KIF17: variants seen among roughly 807,000 people sequenced by gnomAD.
KIF17 encodes kinesin-like protein KIF17.
Under a neutral mutation model 96.8 loss-of-function variants are expected in KIF17, and 80 were observed. That is an observed-to-expected ratio of 0.83 (90% CI 0.69 to 1.00). The LOEUF (loss-of-function observed/expected upper bound fraction) is 1.00, where lower values mean the gene tolerates loss of function less well. Ranked by LOEUF, KIF17 falls within the 50% of genes least tolerant of loss-of-function variation. The pLI, the probability that KIF17 is intolerant of heterozygous loss-of-function variation, is 0.00. For missense variants in KIF17, 1,280 were observed against 1,372.9 expected, an observed-to-expected ratio of 0.93 and a Z score of 1.07; for synonymous variants, 567 against 587.5, an observed-to-expected ratio of 0.97 and a Z score of 0.51.
intron 6 of KIF17, among the ~76,000 whole-genome samples, chr1:20,696,435 G>A (rs1367866872): frequency 6.6e-6 from 1 of 152,174 alleles, no homozygotes; most frequent in Non-Finnish European, 1.5e-5. Flanking sequence ...GGGTTTCTTG[G>A]AATCCTGGTG....
In KIF17 at chr1:20,671,540, G is replaced by A. The variant is rs185796386; in HGVS notation, c.2722+398C>T. On this transcript the variant is annotated intron_variant, in intron 12 of 14. Transcript: ENST00000400463. ...TTTAGAGACAGGGTTTCACCATGTT[G>A]GCCAGGCTGGTCTCGAACTCCTGGA... Among the ~76,000 whole-genome samples the A allele has an allele frequency of 1.3e-4, 19 of 151,698 alleles. No homozygotes were observed. The East Asian group carries it at 3.7e-3, about 29-fold the overall frequency.
intron 1 of KIF17, among the ~76,000 whole-genome samples, chr1:20,717,103 C>T (rs1478995063): frequency 1.3e-5 from 2 of 152,114 alleles, no homozygotes; most frequent in Admixed American, 6.6e-5. Context: ...ACTTGGCGGG[C>T]GGATCACTTG....
At chr1:20,668,754 G>A (rs1222681843) in intron 13 of KIF17, among the ~76,000 whole-genome samples, 3 of 152,176 alleles carry the variant, frequency 2.0e-5, no homozygotes, top group South Asian at 2.1e-4. Flanking sequence ...GGCTATTTTT[G>A]TAAATAAAGT....
chr1:20,697,231 G>A (rs1428068815), intron 6 of KIF17, among the ~76,000 whole-genome samples: 10 of 152,224 alleles, frequency 6.6e-5, no homozygotes, highest in Non-Finnish European at 1.5e-4. Flanking sequence ...CAGGGGTCCA[G>A]CAGCGGATAC....
Position 20,683,618 on chromosome 1 carries a change from G to A in KIF17, c.2232-734C>T, listed in dbSNP as rs561874124. Among the ~76,000 whole-genome samples the A allele has an allele frequency of 3.9e-5, 6 of 152,046 alleles. No homozygotes were observed. The South Asian group carries it at 8.3e-4, about 21-fold the overall frequency. On this transcript the variant is annotated intron_variant, in intron 10 of 14. Transcript: ENST00000400463. Reference sequence around the variant, plus strand: ...TGCAGTGAGCCGAGATCGCACCACTGCACTCCAGCCTGAGCAACAGAGCAA... The same window carrying A: ...TGCAGTGAGCCGAGATCGCACCACTACACTCCAGCCTGAGCAACAGAGCAA...
intron 11 of KIF17, among the ~76,000 whole-genome samples, chr1:20,679,870 G>GC (rs2053800730): frequency 6.6e-6 from 1 of 152,214 alleles, no homozygotes; most frequent in African/African-American, 2.4e-5. Context: ...AGAGAAGCCA[G>GC]CCCCACTGTA....
rs1040188125 is a variant in KIF17 at position 20,709,808 on chromosome 1, CT to C, written c.500del (p.Lys167ArgfsTer5). The C allele has an allele frequency of 5.6e-6, 9 of 1,612,136 alleles. No homozygotes were observed. Among genetic ancestry groups the C allele is most frequent in the Non-Finnish European group, 7.6e-6 (9 of 1,179,206 alleles). ...TGGACAGCCCCTTCACGTACACGCCCTTCTCTGGGTGCTCCTTCAGCTGAGG... is the reference window on the plus strand; with the variant it reads ...TGGACAGCCCCTTCACGTACACGCCCTCTCTGGGTGCTCCTTCAGCTGAGG... ...QKLELKEHPEKGVYVKGLSMH... is the reference protein window; with the variant it reads ...QKLELKEHPEXGVYVKGLSMH... On this transcript the variant is annotated frameshift_variant, in exon 4 of 15. Transcript: ENST00000400463. LOFTEE classifies it high-confidence loss of function. The surrounding 1 kb of genome is among the most constrained non-coding windows in gnomAD (Gnocchi z 4.7).
chr1:20,690,232 T>G lies in KIF17; in HGVS notation c.1337A>C (p.Asp446Ala). 6.2e-7 allele frequency: 1 copy of G among 1,613,438 alleles called. No individual in the cohort carries two copies. The highest frequency in any genetic ancestry group is 8.5e-7 in the Non-Finnish European group (1 of 1,179,956). The change falls in exon 7 of 15, where the codon GAC (aspartate) becomes GCC (alanine). Residue 446 changes from aspartate (D) to alanine (A), a missense_variant. Physicochemically the swap from Asp to Ala is moderately radical, Grantham distance 126. Coordinates refer to ENST00000400463, the MANE Select transcript of KIF17 (RefSeq NM_001122819.3). ...CTCCTCCAGCGTGGACAGCCTGACG[T>G]CATATGAGTTGCGCATGGCAGTGAT... ...EDITAMRNSY[D>A]VRLSTLEENL...
intron 11 of KIF17, among the ~76,000 whole-genome samples, chr1:20,675,447 C>CA (rs34630887): frequency 0.25 from 29,874 of 121,766 alleles, 3,067 homozygotes; most frequent in East Asian, 0.34. Flanking sequence ...GACTCTGTCT[C>CA]AAAAAAAAAA....
chr1:20,709,766 G>T lies in KIF17; in HGVS notation c.543C>A (p.Ser181Arg), dbSNP rs571804633. 1 of 1,614,070 alleles carries T rather than the reference G, an allele frequency of 6.2e-7. No homozygotes were observed. The highest frequency in any genetic ancestry group is 8.5e-7 in the Non-Finnish European group (1 of 1,180,008). Residue 181 changes from serine to arginine, a missense_variant, in exon 4 of 15, where the codon AGC becomes AGA. By Grantham distance (110) the Ser-to-Arg change is moderately radical. Coordinates refer to ENST00000400463, the MANE Select transcript of KIF17 (RefSeq NM_001122819.3). This position sits in a 1 kb window ranked among gnomAD's most constrained non-coding sequence, Gnocchi z 4.7. ...CCATGATGTGCTCACACTGGGCCACGCTGTGCACCGTGTGCATGGACAGCC... is the reference window on the plus strand; with the variant it reads ...CCATGATGTGCTCACACTGGGCCACTCTGTGCACCGTGTGCATGGACAGCC... ...VKGLSMHTVHSVAQCEHIMET... is the reference protein window; with the variant it reads ...VKGLSMHTVHRVAQCEHIMET...
At chr1:20,670,970 G>A (rs1215946137) in intron 12 of KIF17, among the ~76,000 whole-genome samples, 1 of 152,188 alleles carries the variant, frequency 6.6e-6, no homozygotes, top group Non-Finnish European at 1.5e-5. Flanking sequence ...CAGAGGTGAG[G>A]AGGCTTTCAA....
rs1267477474 is a variant in KIF17, at chr1:20,682,674, C to T, written c.2442G>A (p.Leu814=). 6.2e-7 allele frequency: 1 copy of T among 1,614,088 alleles called. No individual in the cohort carries two copies. The stretch of plus-strand genomic sequence containing the variant: ...TCACCTTCCTCTGCATCTTCTCCAG[C>T]AGCTTGCTCTTGGCCCGCACTTCCT... ...IQEEVRAKSK[L]LEKMQRKLRA... is the part of the protein sequence containing the mutation. The change falls in exon 11 of 15, where the codon CTG becomes CTA. Residue 814 remains leucine (L), a synonymous_variant. Coordinates refer to ENST00000400463, the MANE Select transcript of KIF17 (RefSeq NM_001122819.3).
Position 20,687,963 on chromosome 1 carries a change from C to T in KIF17, c.1382-19G>A, listed in dbSNP as rs775845659. Reference sequence around the variant, plus strand: ...ACAGCCTCTGCAAAATGGAGAACTTCCTTCAGGTTTTTAAAGGGTCAGAAT... The same window carrying T: ...ACAGCCTCTGCAAAATGGAGAACTTTCTTCAGGTTTTTAAAGGGTCAGAAT... On this transcript the variant is annotated intron_variant, in intron 7 of 14. Coordinates refer to ENST00000400463, the MANE Select transcript of KIF17 (RefSeq NM_001122819.3). The surrounding 1 kb of genome is among the most constrained non-coding windows in gnomAD (Gnocchi z 4.4). The T allele has an allele frequency of 6.2e-5, 100 of 1,611,220 alleles. No homozygotes were observed. The African/African-American group carries it at 1.2e-3, about 20-fold the overall frequency.
chr1:20,712,060 C>T (rs2054446736), intron 3 of KIF17, among the ~76,000 whole-genome samples: 2 of 152,290 alleles, frequency 1.3e-5, no homozygotes, highest in South Asian at 4.1e-4. Context: ...GCAGCTGGTT[C>T]AATAGGCCTG....
At chr1:20,715,360 C>T in intron 2 of KIF17, 133 bp downstream of exon 2, 1 of 1,192,638 alleles carries the variant, frequency 8.4e-7, no homozygotes, top group South Asian at 1.3e-5. Context: ...TTTTCAGAAC[C>T]CAGAGCCTTC....
chr1:20,714,414 C>T lies in KIF17; in HGVS notation c.379-859G>A, dbSNP rs528142732. On this transcript the variant is annotated intron_variant, in intron 2 of 14. Coordinates refer to ENST00000400463, the MANE Select transcript of KIF17 (RefSeq NM_001122819.3). ...CTGAGGCATGAGAATTGCTCGAACC[C>T]GGGAGGCAGAGGTTGCAGTGAGCCA... Among the ~76,000 whole-genome samples the T allele has an allele frequency of 2.1e-4, 32 of 152,130 alleles. No individual in the cohort carries two copies. In the East Asian group the frequency reaches 6.0e-3, roughly 28 times the overall value.
intron 2 of KIF17, 89 bp downstream of exon 2, chr1:20,715,404 A>G: frequency 3.2e-6 from 5 of 1,565,682 alleles, no homozygotes; most frequent in Non-Finnish European, 4.3e-6. Context: ...CCGGGCTCCA[A>G]AGACTTCCCG....
chr1:20,696,747 T>G (rs2054148083), intron 6 of KIF17, among the ~76,000 whole-genome samples: 1 of 151,960 alleles, frequency 6.6e-6, no homozygotes, highest in Non-Finnish European at 1.5e-5. Flanking sequence ...ACTCCGTGTG[T>G]GACTCCCAGC....
intron 1 of KIF17, among the ~76,000 whole-genome samples, chr1:20,717,185 C>T (rs1440083088): frequency 2.6e-5 from 4 of 152,160 alleles, no homozygotes; most frequent in East Asian, 1.9e-4. Flanking sequence ...AAAAATTAGA[C>T]GGGCGTGGTG....
Sources: allele counts gnomAD v4.1 joint callset (sites outside exome capture counted in the v4.1 genomes callset), GRCh38; gene constraint gnomAD v4.1.1; non-coding constraint Gnocchi (gnomAD v3.1); transcripts MANE v1.5; gene names NCBI Gene and HGNC (gene_info 2026-07-23, HGNC 2026-07-21).